TENM4: variants seen among roughly 807,000 people sequenced by gnomAD.
The protein encoded by TENM4 is teneurin-4.
TENM4 carries 82 observed loss-of-function variants against 243.3 expected under a neutral mutation model. That is an observed-to-expected ratio of 0.34 (90% CI 0.28 to 0.40). The LOEUF (loss-of-function observed/expected upper bound fraction) is 0.40. Among genes scored for constraint, TENM4 ranks in the 10% least tolerant of loss-of-function variants. The probability of loss-of-function intolerance (pLI) is 1.00; values close to 1 mark genes in which losing one functional copy is unlikely to be tolerated. For synonymous variants in TENM4, 1,412 were observed against 1,456.3 expected (o/e 0.97, Z 0.69); for missense variants, 3,138 against 3,673.3 (o/e 0.85, Z 3.77).
At chr11:79,213,724 A>G (rs1267900759) in intron 3 of TENM4, among the ~76,000 whole-genome samples, 1 of 152,224 alleles carries the variant, frequency 6.6e-6, no homozygotes, top group Non-Finnish European at 1.5e-5. Context: ...ACCACACTTC[A>G]GATTTAGATG....
chr11:78,698,365 C>T (rs1859016385), intron 28 of TENM4, among the ~76,000 whole-genome samples: 1 of 152,142 alleles, frequency 6.6e-6, no homozygotes, highest in African/African-American at 2.4e-5. Context: ...CCAGCCTGGG[C>T]AACAGAGCGA....
In TENM4 at chr11:78,738,505, A is replaced by G. The variant is rs1300202774; in HGVS notation, c.2822T>C (p.Ile941Thr). 6.2e-7 allele frequency: 1 copy of G among 1,613,816 alleles called. No individual in the cohort carries two copies. The highest frequency in any genetic ancestry group is 2.2e-5 in the East Asian group (1 of 44,872). Reference sequence around the variant, plus strand: ...AAAGAGAGGGTTATTGACAAAACTGATGTTCACACCAACCAGGGGGGTTCC... The same window carrying G: ...AAAGAGAGGGTTATTGACAAAACTGGTGTTCACACCAACCAGGGGGGTTCC... ...SDGTPLVGVN[I>T]SFVNNPLFGY... Residue 941 changes from isoleucine to threonine, a missense_variant, in exon 20 of 34, where the codon ATC becomes ACC. Ile to Thr is a moderately conservative substitution (Grantham distance 89). This residue lies in a region of TENM4 where 2,467 missense variants were observed against 3,059.1 expected (regional missense o/e 0.81). Transcript: ENST00000278550.
intron 1 of TENM4, among the ~76,000 whole-genome samples, chr11:79,369,857 T>G (rs1054292138): frequency 4.6e-5 from 7 of 152,216 alleles, no homozygotes; most frequent in Admixed American, 4.6e-4. Context: ...AAACATCACC[T>G]TTATTTGTGA....
intron 6 of TENM4, among the ~76,000 whole-genome samples, chr11:78,907,790 G>A (rs1173629997): frequency 6.6e-6 from 1 of 152,168 alleles, no homozygotes; most frequent in Non-Finnish European, 1.5e-5. Context: ...CTTCTCTCAC[G>A]CTACCTGGGA....
At chr11:79,305,331 A>G (rs1046914224) in intron 1 of TENM4, among the ~76,000 whole-genome samples, 1 of 152,208 alleles carries the variant, frequency 6.6e-6, no homozygotes, top group Non-Finnish European at 1.5e-5. Context: ...TGAGGCCTTC[A>G]AGTCAGTCCT....
intron 3 of TENM4, among the ~76,000 whole-genome samples, chr11:79,197,507 T>A (rs1265988745): frequency 6.6e-6 from 1 of 152,144 alleles, no homozygotes; most frequent in African/African-American, 2.4e-5. Context: ...ACCAGGTCCA[T>A]CTGACCCCCA....
At chr11:79,193,564 C>T (rs145425162) in intron 3 of TENM4, among the ~76,000 whole-genome samples, 15 of 152,232 alleles carry the variant, frequency 9.9e-5, no homozygotes, top group Non-Finnish European at 1.5e-4. Context: ...TGCTGAGTGA[C>T]GAGTTGGGCT....
At chr11:79,007,653 C>T (rs1305832323) in intron 6 of TENM4, among the ~76,000 whole-genome samples, 1 of 152,176 alleles carries the variant, frequency 6.6e-6, no homozygotes, top group Non-Finnish European at 1.5e-5. Flanking sequence ...GCCTCCTCCC[C>T]ACCTGTCTAG....
In TENM4 at chr11:79,205,644, A is replaced by G. The variant is rs1034485255; in HGVS notation, c.-163+10164T>C. Among the ~76,000 whole-genome samples the G allele has an allele frequency of 2.6e-5, 4 of 152,232 alleles. No homozygotes were observed. The East Asian group carries it at 7.7e-4, about 29-fold the overall frequency. On this transcript the variant is annotated intron_variant, in intron 3 of 33. Coordinates refer to ENST00000278550, the MANE Select transcript of TENM4 (RefSeq NM_001098816.3). ...TCATCCAAATTGTTATACATAAGAC[A>G]GTTCATTCCTTGTTAGTGCTGAGTA... is the stretch of plus-strand genomic sequence containing the variant.
chr11:79,371,512 T>C (rs904384949), intron 1 of TENM4, among the ~76,000 whole-genome samples: 1 of 152,170 alleles, frequency 6.6e-6, no homozygotes, highest in Non-Finnish European at 1.5e-5. Context: ...TGGCTTTAGT[T>C]CTCCAAGGAA....
intron 6 of TENM4, among the ~76,000 whole-genome samples, chr11:78,993,239 C>G (rs1046550852): frequency 2.6e-5 from 4 of 151,888 alleles, no homozygotes; most frequent in African/African-American, 9.7e-5. Flanking sequence ...GCTAAGGGAG[C>G]CTGGAGGAAG....
At chr11:79,120,937 A>C (rs1861732624) in intron 4 of TENM4, among the ~76,000 whole-genome samples, 1 of 152,218 alleles carries the variant, frequency 6.6e-6, no homozygotes, top group Admixed American at 6.5e-5. Flanking sequence ...CAGATGATAA[A>C]ACTGAGGCCT....
intron 1 of TENM4, among the ~76,000 whole-genome samples, chr11:79,299,554 A>C (rs1404952106): frequency 2.0e-5 from 3 of 152,096 alleles, no homozygotes; most frequent in Non-Finnish European, 2.9e-5. Flanking sequence ...ATACTTATTT[A>C]CATTCCCAAA....
intron 1 of TENM4, among the ~76,000 whole-genome samples, chr11:79,309,291 G>A (rs1856680067): frequency 6.6e-6 from 1 of 152,212 alleles, no homozygotes; most frequent in South Asian, 2.1e-4. Context: ...ACAGGTAGGC[G>A]AATTTCATTG....
chr11:79,109,409 C>G (rs924437134), intron 4 of TENM4, among the ~76,000 whole-genome samples: 3 of 152,060 alleles, frequency 2.0e-5, no homozygotes, highest in African/African-American at 7.2e-5. Flanking sequence ...TTGTGTGTGC[C>G]TTTGAAGCAG....
intron 3 of TENM4, among the ~76,000 whole-genome samples, chr11:79,196,817 G>A (rs1863637668): frequency 6.6e-6 from 1 of 152,140 alleles, no homozygotes; most frequent in Non-Finnish European, 1.5e-5. Flanking sequence ...TTGTCTCTCA[G>A]CTGTGACAGG....
chr11:79,306,270 G>A (rs476418), intron 1 of TENM4, among the ~76,000 whole-genome samples: 84,969 of 152,064 alleles, frequency 0.56, 24,998 homozygotes, highest in East Asian at 0.77. Flanking sequence ...GCTGGAAAAT[G>A]CTCAAGAGAG....
chr11:79,375,733 A>G (rs1857878191), intron 1 of TENM4, among the ~76,000 whole-genome samples: 1 of 152,226 alleles, frequency 6.6e-6, no homozygotes, highest in Non-Finnish European at 1.5e-5. Flanking sequence ...AAAGCTGTAT[A>G]AATGCAATAA....
rs968531936 is a variant in TENM4 at position 78,939,401 on chromosome 11, C to T, written c.494-35878G>A. Among the ~76,000 whole-genome samples, 9 of 152,352 alleles carry T rather than the reference C, an allele frequency of 5.9e-5. No homozygotes were observed. The East Asian group carries it at 1.5e-3, about 26-fold the overall frequency. Reference sequence around the variant, plus strand: ...CTGGCCCCGAAGGCCCTTCTAGCTTCTCACTGGGGAGGAAGGAACATGGTA... The same window carrying T: ...CTGGCCCCGAAGGCCCTTCTAGCTTTTCACTGGGGAGGAAGGAACATGGTA... On this transcript the variant is annotated intron_variant, in intron 6 of 33. Transcript: ENST00000278550.
Sources: allele counts gnomAD v4.1 joint callset (sites outside exome capture counted in the v4.1 genomes callset), GRCh38; gene constraint gnomAD v4.1.1; regional missense constraint gnomAD v4.1.1; transcripts MANE v1.5; gene names NCBI Gene and HGNC (gene_info 2026-07-23, HGNC 2026-07-21).